MACROD2: variants seen among roughly 807,000 people sequenced by gnomAD.
MACROD2 encodes the protein mono-ADP ribosylhydrolase 2.
A neutral mutation model predicts 70.4 loss-of-function variants in MACROD2; 36 were observed. That is an observed-to-expected ratio of 0.51 (90% CI 0.39 to 0.68). MACROD2 has a LOEUF of 0.68. Among genes scored for constraint, MACROD2 ranks in the 30% least tolerant of loss-of-function variants. The pLI, the probability that MACROD2 is intolerant of heterozygous loss-of-function variation, is 0.00. For synonymous variants in MACROD2, 172 were observed against 178.8 expected, an observed-to-expected ratio of 0.96 and a Z score of 0.30; for missense variants, 496 against 538.4, an observed-to-expected ratio of 0.92 and a Z score of 0.78.
chr20:13,997,779 G>A (rs934638475), intron 1 of MACROD2, among the ~76,000 whole-genome samples: 2 of 152,014 alleles, frequency 1.3e-5, no homozygotes, highest in Non-Finnish European at 2.9e-5. Context: ...ACGTTACTGC[G>A]ATACGAAGAC....
chr20:15,158,057 A>G (rs558686563), intron 5 of MACROD2, among the ~76,000 whole-genome samples: 73 of 152,114 alleles, frequency 4.8e-4, no homozygotes, highest in African/African-American at 1.7e-3. Flanking sequence ...GCAACACATA[A>G]TGTGTAGTTC....
intron 8 of MACROD2, among the ~76,000 whole-genome samples, chr20:15,755,199 G>A (rs1339021614): frequency 1.3e-5 from 2 of 152,164 alleles, no homozygotes; most frequent in Non-Finnish European, 2.9e-5. Flanking sequence ...AGACAGTGAT[G>A]TTTCTGGGTT....
At chr20:14,454,611 T>A (rs372024618) in intron 3 of MACROD2, among the ~76,000 whole-genome samples, 30 of 151,884 alleles carry the variant, frequency 2.0e-4, no homozygotes, top group African/African-American at 7.3e-4. Context: ...TTTCTCTTTG[T>A]TCTATCATCT....
intron 3 of MACROD2, among the ~76,000 whole-genome samples, chr20:14,305,177 A>G (rs2082509259): frequency 6.6e-6 from 1 of 152,122 alleles, no homozygotes; most frequent in East Asian, 1.9e-4. Flanking sequence ...ATTGGTTTTA[A>G]GCTCAAATGA....
At chr20:15,894,712 G>C (rs1362767469) in intron 10 of MACROD2, among the ~76,000 whole-genome samples, 3 of 152,234 alleles carry the variant, frequency 2.0e-5, no homozygotes, top group Non-Finnish European at 2.9e-5. Flanking sequence ...CCTTCTGTCA[G>C]TGATGGCTGT....
intron 6 of MACROD2, among the ~76,000 whole-genome samples, chr20:15,358,290 G>A (rs931243840): frequency 3.3e-5 from 5 of 152,136 alleles, no homozygotes; most frequent in African/African-American, 1.2e-4. Context: ...ATTAAAAGAT[G>A]TAAGTACAAA....
intron 5 of MACROD2, among the ~76,000 whole-genome samples, chr20:15,056,647 T>G (rs943963411): frequency 6.6e-6 from 1 of 152,030 alleles, no homozygotes; most frequent in Non-Finnish European, 1.5e-5. Context: ...AAAAAAAAGT[T>G]TGGAATCAAT....
intron 3 of MACROD2, among the ~76,000 whole-genome samples, chr20:14,151,061 G>C (rs1286586325): frequency 6.6e-6 from 1 of 152,198 alleles, no homozygotes; most frequent in East Asian, 1.9e-4. Flanking sequence ...AAGAAGTAAT[G>C]TGCTAGTAAA....
chr20:14,466,518 CCTT>C (rs2084451666), intron 3 of MACROD2, among the ~76,000 whole-genome samples: 1 of 152,068 alleles, frequency 6.6e-6, no homozygotes, highest in Non-Finnish European at 1.5e-5. Context: ...TCATCTGAAA[CCTT>C]CTTCTCTCAA....
At chr20:14,359,117 G>GGTAGAGGTTACA (rs1384281796) in intron 3 of MACROD2, among the ~76,000 whole-genome samples, 3 of 152,122 alleles carry the variant, frequency 2.0e-5, no homozygotes, top group African/African-American at 7.2e-5. Flanking sequence ...GAACCCAAGA[G>GGTAGAGGTTACA]GTAGAGGTTA....
In MACROD2 at chr20:14,652,377, T is replaced by A. The variant is rs534911428; in HGVS notation, c.302-32466T>A. Among the ~76,000 whole-genome samples the A allele has an allele frequency of 3.9e-4, 59 of 152,374 alleles. 1 individual carries two copies. In the South Asian group the frequency reaches 0.012, roughly 30 times the overall value. On this transcript the variant is annotated intron_variant, in intron 4 of 17. Coordinates refer to ENST00000684519, the MANE Select transcript of MACROD2 (RefSeq NM_001351661.2). ...TTCTTTTGTCGAACTGCAGCTTTTG[T>A]AGATACCATACACATTATTAATTTC... is the stretch of plus-strand genomic sequence containing the variant.
intron 8 of MACROD2, among the ~76,000 whole-genome samples, chr20:15,540,252 C>G (rs1043506502): frequency 5.3e-5 from 8 of 152,120 alleles, no homozygotes; most frequent in African/African-American, 1.7e-4. Context: ...CGTGACTAGC[C>G]TTAAATGTCA....
chr20:14,251,070 G>A (rs2082008392), intron 3 of MACROD2, among the ~76,000 whole-genome samples: 1 of 152,028 alleles, frequency 6.6e-6, no homozygotes, highest in Non-Finnish European at 1.5e-5. Flanking sequence ...TTTTATTGCT[G>A]GCACTTCTAG....
At chr20:14,267,020 A>G (rs2082150068) in intron 3 of MACROD2, among the ~76,000 whole-genome samples, 1 of 152,178 alleles carries the variant, frequency 6.6e-6, no homozygotes, top group African/African-American at 2.4e-5. Flanking sequence ...ACTTTGGGCT[A>G]GCTAAAATAT....
intron 4 of MACROD2, among the ~76,000 whole-genome samples, chr20:14,683,580 C>A (rs1276575846): frequency 6.6e-6 from 1 of 152,130 alleles, no homozygotes; most frequent in African/African-American, 2.4e-5. Flanking sequence ...AATGTTGTTT[C>A]CCTGGAACAC....
In MACROD2 at chr20:15,230,076, G is replaced by GT. The variant is rs761551086; in HGVS notation, c.540+21dup. 7.5e-6 allele frequency: 12 copies of GT among 1,609,272 alleles called. No individual in the cohort carries two copies. The South Asian group carries it at 1.1e-4, about 15-fold the overall frequency. ...TCCGATCAGTTGTAAGTAATTTTATGTTTTTTATTTCTCACTCTTTTTCAA... is the reference window on the plus strand; with the variant it reads ...TCCGATCAGTTGTAAGTAATTTTATGTTTTTTTATTTCTCACTCTTTTTCAA... On this transcript the variant is annotated intron_variant, in intron 6 of 17. Coordinates refer to ENST00000684519, the MANE Select transcript of MACROD2 (RefSeq NM_001351661.2).
At chr20:15,635,934 G>A (rs2049357149) in intron 8 of MACROD2, among the ~76,000 whole-genome samples, 1 of 151,826 alleles carries the variant, frequency 6.6e-6, no homozygotes, top group African/African-American at 2.4e-5. Context: ...TGGGCGTGGT[G>A]GTGCATGCTT....
Position 14,237,489 on chromosome 20 carries a change from A to G in MACROD2, c.271+151761A>G, listed in dbSNP as rs139268810. On this transcript the variant is annotated intron_variant, in intron 3 of 17. Transcript: ENST00000684519. The stretch of plus-strand genomic sequence containing the variant: ...TTTCCATATTGTGTATCTGCCTCAT[A>G]TATCTCTTTAGCTAAGTCTAATTTA... 2.1e-3 allele frequency among the ~76,000 whole-genome samples: 324 copies of G among 151,324 alleles called. 1 individual carries two copies. Among genetic ancestry groups the G allele is most frequent in the African/African-American group, 7.5e-3 (309 of 41,352 alleles).
chr20:14,017,129 A>G (rs1381286660), intron 2 of MACROD2, among the ~76,000 whole-genome samples: 2 of 151,974 alleles, frequency 1.3e-5, no homozygotes, highest in African/African-American at 4.8e-5. Context: ...TTGTTTTCTT[A>G]ATTTTCTTAT....
Sources: gnomAD v4.1 joint callset for allele counts (sites outside exome capture counted in the v4.1 genomes callset) on GRCh38, gnomAD v4.1.1 for gene constraint, MANE v1.5 for transcripts, NCBI Gene and HGNC (gene_info 2026-07-23, HGNC 2026-07-21) for gene names.